The following FSTL5 variants were observed in gnomAD, a reference collection of about 807,000 sequenced individuals.
FSTL5 encodes follistatin like 5, also known as follistatin-related protein 5.
Under a neutral mutation model 89.1 loss-of-function variants are expected in FSTL5, and 62 were observed. The observed-to-expected ratio is 0.70, with a 90% CI of 0.57 to 0.86. The LOEUF is 0.86. Ranked by LOEUF, FSTL5 falls within the 40% of genes least tolerant of loss-of-function variation. The pLI is 0.00. For missense variants in FSTL5, 1,057 were observed against 1,001.6 expected, an observed-to-expected ratio of 1.06 and a Z score of -0.75; for synonymous variants, 383 against 346.2, an observed-to-expected ratio of 1.11 and a Z score of -1.18.
intron 1 of FSTL5, among the ~76,000 whole-genome samples, chr4:162,153,795 A>C (rs1561049244): frequency 7.7e-5 from 9 of 116,796 alleles, no homozygotes. Flanking sequence ...ATATATGTAT[A>C]TGTATATATA....
chr4:161,971,392 A>T (rs1447126867), intron 3 of FSTL5, among the ~76,000 whole-genome samples: 1 of 152,170 alleles, frequency 6.6e-6, no homozygotes, highest in Non-Finnish European at 1.5e-5. Context: ...AAAAATTCAA[A>T]CACATTTCAT....
intron 3 of FSTL5, among the ~76,000 whole-genome samples, chr4:161,961,358 C>G (rs1489960789): frequency 1.3e-5 from 2 of 152,016 alleles, no homozygotes; most frequent in African/African-American, 4.8e-5. Flanking sequence ...CTGATCCTCC[C>G]ACCTCAGGCA....
chr4:161,565,149 C>T (rs1184442173), intron 8 of FSTL5, among the ~76,000 whole-genome samples: 2 of 151,736 alleles, frequency 1.3e-5, no homozygotes, highest in African/African-American at 4.8e-5. Flanking sequence ...CCTCTCAGAC[C>T]TCCGTATTAA....
chr4:161,484,527 A>G (rs1729615114), intron 12 of FSTL5, among the ~76,000 whole-genome samples: 2 of 152,160 alleles, frequency 1.3e-5, no homozygotes, highest in Non-Finnish European at 2.9e-5. Context: ...TTCCATTTCA[A>G]TCATCCATCT....
In FSTL5 at chr4:161,655,386, T is replaced by C. The variant is rs143583640; in HGVS notation, c.894+942A>G. Among the ~76,000 whole-genome samples the C allele has an allele frequency of 6.0e-3, 914 of 152,204 alleles. 9 individuals are homozygous for C. The highest frequency in any genetic ancestry group is 0.045 in the South Asian group (219 of 4,826). ...TCATGGGAGTTGGTATAGTCCCTATTGGTCCAGTGAACACATGACCCCAGA... is the reference window on the plus strand; with the variant it reads ...TCATGGGAGTTGGTATAGTCCCTATCGGTCCAGTGAACACATGACCCCAGA... On this transcript the variant is annotated intron_variant, in intron 7 of 15. Coordinates refer to ENST00000306100, the MANE Select transcript of FSTL5 (RefSeq NM_020116.5).
intron 3 of FSTL5, among the ~76,000 whole-genome samples, chr4:161,965,493 G>A (rs1488876842): frequency 3.3e-5 from 5 of 152,024 alleles, no homozygotes; most frequent in Non-Finnish European, 7.4e-5. Flanking sequence ...AGTATTTAGT[G>A]TTAGTAAACT....
chr4:162,068,443 A>G (rs1056692459), intron 2 of FSTL5, among the ~76,000 whole-genome samples: 1 of 152,152 alleles, frequency 6.6e-6, no homozygotes, highest in Non-Finnish European at 1.5e-5. Context: ...AAAAGCAAGC[A>G]ATGGGGGAAT....
chr4:161,429,156 T>G (rs113539801), intron 15 of FSTL5, among the ~76,000 whole-genome samples: 27 of 151,646 alleles, frequency 1.8e-4, no homozygotes, highest in African/African-American at 2.9e-4. Flanking sequence ...AAGGGCTTTT[T>G]TGTGTGTGTG....
chr4:162,037,970 C>T (rs1249829929), intron 2 of FSTL5, among the ~76,000 whole-genome samples: 1 of 151,770 alleles, frequency 6.6e-6, no homozygotes, highest in South Asian at 2.1e-4. Flanking sequence ...AATGAGAAAA[C>T]ATTATAAAGA....
At chr4:162,058,588 C>T (rs142767825) in intron 2 of FSTL5, among the ~76,000 whole-genome samples, 2,419 of 151,800 alleles carry the variant, frequency 0.016, 59 homozygotes, top group African/African-American at 0.055. Context: ...CCACCATGCC[C>T]GGCTAATTTT....
At chr4:161,744,725 T>C (rs565178178) in intron 6 of FSTL5, among the ~76,000 whole-genome samples, 1 of 152,224 alleles carries the variant, frequency 6.6e-6, no homozygotes, top group East Asian at 1.9e-4. Context: ...AAAAGCCTGA[T>C]AAAATTGTTC....
intron 15 of FSTL5, among the ~76,000 whole-genome samples, chr4:161,444,081 T>C (rs1325432049): frequency 2.0e-5 from 3 of 151,990 alleles, no homozygotes; most frequent in Non-Finnish European, 4.4e-5. Flanking sequence ...TCATTCTAGA[T>C]ATAACATAGA....
chr4:161,792,544 CA>C (rs1729512979), intron 4 of FSTL5, among the ~76,000 whole-genome samples: 1 of 152,046 alleles, frequency 6.6e-6, no homozygotes, highest in Non-Finnish European at 1.5e-5. Context: ...CCATGGCTGC[CA>C]ATGGACCAAT....
chr4:162,008,159 T>C (rs1404296075), intron 3 of FSTL5, among the ~76,000 whole-genome samples: 1 of 151,904 alleles, frequency 6.6e-6, no homozygotes, highest in Non-Finnish European at 1.5e-5. Context: ...TTATGAAATT[T>C]AAACTGTTTG....
At chr4:161,547,460 C>A (rs1732045985) in intron 8 of FSTL5, among the ~76,000 whole-genome samples, 1 of 151,794 alleles carries the variant, frequency 6.6e-6, no homozygotes, top group Non-Finnish European at 1.5e-5. Flanking sequence ...ATGAAGTCAG[C>A]ATAAACTTAA....
chr4:161,633,372 G>A (rs1028526788), intron 7 of FSTL5, among the ~76,000 whole-genome samples: 9 of 149,860 alleles, frequency 6.0e-5, no homozygotes, highest in African/African-American at 2.0e-4. Context: ...ACCAAGTCTC[G>A]CTCTGTCCTC....
intron 15 of FSTL5, among the ~76,000 whole-genome samples, chr4:161,404,730 C>T (rs1379742593): frequency 1.3e-5 from 2 of 149,620 alleles, no homozygotes; most frequent in Non-Finnish European, 3.0e-5. Flanking sequence ...ACAATGATAA[C>T]TCATAGAATT....
rs77609879 is a variant in FSTL5 at position 161,754,715 on chromosome 4, A to G, written c.727+4696T>C. On this transcript the variant is annotated intron_variant, in intron 6 of 15. Transcript: ENST00000306100. ...CACTTCATCATTTCAATTGAGTTTC[A>G]TAACCTAAGCAAATAAAGACATTTA... is the stretch of plus-strand genomic sequence containing the variant. Among the ~76,000 whole-genome samples, 787 of 152,260 alleles carry G rather than the reference A, an allele frequency of 5.2e-3. 16 individuals are homozygous for G. The highest frequency in any genetic ancestry group is 0.043 in the East Asian group (225 of 5,178).
chr4:161,630,023 C>G (rs984945571), intron 7 of FSTL5, among the ~76,000 whole-genome samples: 3 of 152,204 alleles, frequency 2.0e-5, no homozygotes, highest in African/African-American at 7.2e-5. Context: ...GACACTGCAG[C>G]CGAGGCCTCT....
Sources: allele counts gnomAD v4.1 joint callset (sites outside exome capture counted in the v4.1 genomes callset), GRCh38; gene constraint gnomAD v4.1.1; transcripts MANE v1.5; gene names NCBI Gene and HGNC (gene_info 2026-07-23, HGNC 2026-07-21).